PARP15: variants seen among roughly 807,000 people sequenced by gnomAD.
The protein encoded by PARP15 is protein mono-ADP-ribosyltransferase PARP15.
A neutral mutation model predicts 62.1 loss-of-function variants in PARP15; 50 were observed. That is an observed-to-expected ratio of 0.81 (90% confidence interval 0.64 to 1.02). PARP15 has a LOEUF of 1.02. Among genes scored for constraint, PARP15 ranks in the 50% least tolerant of loss-of-function variants. The pLI is 0.00. For synonymous variants in PARP15, 309 were observed against 293.1 expected (o/e 1.05, Z -0.55); for missense variants, 820 against 826.5 (o/e 0.99, Z 0.10).
intron 1 of PARP15, among the ~76,000 whole-genome samples, chr3:122,587,900 C>T (rs748984116): frequency 1.3e-5 from 2 of 152,126 alleles, no homozygotes; most frequent in African/African-American, 2.4e-5. Context: ...GTCTGTATAT[C>T]CTCCTTGGTG....
rs767808104 is a variant in PARP15, at chr3:122,615,805, G to T, written c.798G>T (p.Trp266Cys). The T allele has an allele frequency of 1.9e-6, 3 of 1,613,504 alleles. No homozygotes were observed. In the Admixed American group the frequency reaches 5.0e-5, roughly 27 times the overall value. ...CATTTTTAGATGAATTCACTAACTG[G>T]TCAAGAATAAATCCCAACAAGGCCA... ...CQAFLDEFTN[W>C]SRINPNKARI... The change falls in exon 5 of 12, where the codon TGG becomes TGT. Residue 266 changes from tryptophan to cysteine, a missense_variant. Around this residue, in one of 3 missense-constraint regions of PARP15, gnomAD observed 731 missense variants for 727.7 expected, o/e 1.00. Transcript: ENST00000464300.
chr3:122,596,099 C>T (rs6798402), intron 1 of PARP15, among the ~76,000 whole-genome samples: 10,531 of 151,908 alleles, frequency 0.069, 1,192 homozygotes, highest in African/African-American at 0.24. Flanking sequence ...TGGCTCACTC[C>T]TGTAATCCCA....
At chr3:122,589,314 A>C (rs765752190) in intron 1 of PARP15, among the ~76,000 whole-genome samples, 63 of 152,098 alleles carry the variant, frequency 4.1e-4, no homozygotes, top group Non-Finnish European at 8.7e-4. Context: ...GAGAGCCCCA[A>C]CTCCAAATAC....
At chr3:122,602,540 C>T (rs571629187) in intron 1 of PARP15, among the ~76,000 whole-genome samples, 10 of 152,316 alleles carry the variant, frequency 6.6e-5, no homozygotes, top group Admixed American at 2.6e-4. Context: ...GCATATGAAT[C>T]CCAAACTCAG....
intron 1 of PARP15, among the ~76,000 whole-genome samples, chr3:122,590,429 C>T (rs540833783): frequency 4.0e-5 from 6 of 151,864 alleles, no homozygotes; most frequent in African/African-American, 4.8e-5. Flanking sequence ...CCCAGCACCA[C>T]GCCCAACTAA....
chr3:122,600,355 C>G (rs1456992289), intron 1 of PARP15, among the ~76,000 whole-genome samples: 2 of 151,974 alleles, frequency 1.3e-5, no homozygotes, highest in East Asian at 3.9e-4. Context: ...CCATGTTGAC[C>G]TACCCATTCC....
rs76586906 is a variant in PARP15 at position 122,612,960 on chromosome 3, C to G, written c.544-81C>G. 2,793 of 1,231,020 alleles carry G rather than the reference C, an allele frequency of 2.3e-3. 51 individuals carry two copies. In the African/African-American group the frequency reaches 0.034, roughly 15 times the overall value. 76.3% of individuals were successfully genotyped at this position (1,231,020 alleles called of 1,614,324 possible). A position where few individuals can be genotyped will look rare whatever the true frequency, so the allele number is the denominator to read the frequency against. On this transcript the variant is annotated intron_variant, in intron 3 of 11. Transcript: ENST00000464300. The stretch of plus-strand genomic sequence containing the variant: ...CCAACAATAGCAGAGAGGTCCTTGT[C>G]AGAGTTGCTGGGACCACAACTCTTT...
At chr3:122,629,179 T>C (rs1936913080) in intron 9 of PARP15, among the ~76,000 whole-genome samples, 1 of 152,168 alleles carries the variant, frequency 6.6e-6, no homozygotes, top group African/African-American at 2.4e-5. Flanking sequence ...TTTTGTTTTT[T>C]TGAGACTGAA....
At position 122,610,619 on chromosome 3, in the gene PARP15, A is replaced by G. The variant is rs1935493943; in HGVS notation, c.432A>G (p.Thr144=). 1 of 1,551,806 alleles carries G rather than the reference A, an allele frequency of 6.4e-7. No individual in the cohort carries two copies. The highest frequency in any genetic ancestry group is 8.7e-7 in the Non-Finnish European group (1 of 1,147,016). ...QKELDDRRRE[T]EEKVGNIFMT... ...AGTTAGATGACAGAAGGCGGGAAAC[A>G]GAGGAAAAAGTAGGTAACATATTCA... The change falls in exon 3 of 12, where the codon ACA becomes ACG. Residue 144 remains threonine (T), a synonymous_variant. Coordinates refer to ENST00000464300, the MANE Select transcript of PARP15 (RefSeq NM_001113523.3).
chr3:122,600,275 T>G (rs1218686242), intron 1 of PARP15, among the ~76,000 whole-genome samples: 1 of 151,786 alleles, frequency 6.6e-6, no homozygotes, highest in Non-Finnish European at 1.5e-5. Context: ...GGCAAAAGAG[T>G]TCACTTAGAT....
chr3:122,595,738 G>A (rs918706045), intron 1 of PARP15, among the ~76,000 whole-genome samples: 1 of 152,086 alleles, frequency 6.6e-6, no homozygotes, highest in Admixed American at 6.5e-5. Context: ...TTGCCACAGT[G>A]CCCAGGGTGG....
At position 122,626,850 on chromosome 3, in the gene PARP15, A is replaced by G; in HGVS notation, c.1255A>G (p.Thr419Ala). Residue 419 changes from threonine to alanine, a missense_variant, in exon 9 of 12, where the codon ACA (threonine) becomes GCA (alanine). Thr to Ala is a moderately conservative substitution (Grantham distance 58). Around this residue, in one of 3 missense-constraint regions of PARP15, gnomAD observed 731 missense variants for 727.7 expected, o/e 1.00. Coordinates refer to ENST00000464300, the MANE Select transcript of PARP15 (RefSeq NM_001113523.3). ...AGGAAATGCCGGAAAAAACCCTATCACAGTTGCTGATAACATAATCGATGC... is the reference window on the plus strand; with the variant it reads ...AGGAAATGCCGGAAAAAACCCTATCGCAGTTGCTGATAACATAATCGATGC... The part of the protein sequence containing the change: ...GTGNAGKNPI[T>A]VADNIIDAIV... The G allele has an allele frequency of 6.2e-7, 1 of 1,611,248 alleles. No individual in the cohort carries two copies. The highest frequency in any genetic ancestry group is 8.5e-7 in the Non-Finnish European group (1 of 1,179,318).
rs1937282838 is a variant in PARP15 at position 122,635,197 on chromosome 3, A to G, written c.1747+3A>G. ...TAGAAGTTGTGCTGGGAAAAATGGTAAGGAAGCAAGTAATTTGGCTGATCA... is the reference window on the plus strand; with the variant it reads ...TAGAAGTTGTGCTGGGAAAAATGGTGAGGAAGCAAGTAATTTGGCTGATCA... On this transcript the variant is annotated splice_donor_region_variant and intron_variant, in intron 11 of 11. Coordinates refer to ENST00000464300, the MANE Select transcript of PARP15 (RefSeq NM_001113523.3). 8 of 1,612,176 alleles carry G rather than the reference A, an allele frequency of 5.0e-6. No homozygotes were observed. The highest frequency in any genetic ancestry group is 6.8e-6 in the Non-Finnish European group (8 of 1,179,190).
At chr3:122,613,814 CTTTTTTTTTTT>C (rs747039553) in intron 4 of PARP15, among the ~76,000 whole-genome samples, 3 of 90,738 alleles carry the variant, frequency 3.3e-5, no homozygotes, top group Admixed American at 3.0e-4. Context: ...TGAATCTCAG[CTTTTTTTTTTT>C]TTTTTTTTTT....
intron 2 of PARP15, among the ~76,000 whole-genome samples, chr3:122,608,213 C>CTTTTTTTTTTT (rs71136576): frequency 8.4e-4 from 96 of 113,892 alleles, no homozygotes; most frequent in Middle Eastern, 5.9e-3. Flanking sequence ...TTTCTCTTTT[C>CTTTTTTTTTTT]TTTTTTTTTT....
Position 122,591,740 on chromosome 3 carries a change from TGGTGACAGAGCGAGA to T in PARP15, c.186+13888_186+13902del, listed in dbSNP as rs1933934987. On this transcript the variant is annotated intron_variant, in intron 1 of 11. Coordinates refer to ENST00000464300, the MANE Select transcript of PARP15 (RefSeq NM_001113523.3). The stretch of plus-strand genomic sequence containing the variant: ...GAGATTGCTCCACTGCACTCCAGCC[TGGTGACAGAGCGAGA>T]CTCTGTCTCAAAAAAAAAAAAAAAA... 2.4e-5 allele frequency among the ~76,000 whole-genome samples: 3 copies of T among 123,046 alleles called. No homozygotes were observed. The South Asian group carries it at 7.5e-4, about 31-fold the overall frequency. The allele number at this position is 123,046 out of a possible 152,430, so 80.7% of individuals were successfully genotyped here. A position where few individuals can be genotyped will look rare whatever the true frequency, so the allele number is the denominator to read the frequency against.
intron 8 of PARP15, among the ~76,000 whole-genome samples, chr3:122,623,755 G>A (rs1289727880): frequency 6.6e-6 from 1 of 152,166 alleles, no homozygotes; most frequent in African/African-American, 2.4e-5. Flanking sequence ...ATTAAATTTT[G>A]TTGAATGGAG....
At position 122,583,114 on chromosome 3, in the gene PARP15, C is replaced by CTTTTT. The variant is rs67942585; in HGVS notation, c.186+5280_186+5284dup. Among the ~76,000 whole-genome samples the CTTTTT allele has an allele frequency of 5.9e-3, 493 of 83,396 alleles. 9 individuals are homozygous for CTTTTT. Among genetic ancestry groups the CTTTTT allele is most frequent in the Middle Eastern group, 0.011 (1 of 94 alleles). 54.7% of individuals were successfully genotyped at this position (83,396 alleles called of 152,430 possible). On this transcript the variant is annotated intron_variant, in intron 1 of 11. Coordinates refer to ENST00000464300, the MANE Select transcript of PARP15 (RefSeq NM_001113523.3). The stretch of plus-strand genomic sequence containing the variant: ...TGTTTACTAATTCTATCATCTGTAT[C>CTTTTT]TTTTTTTTTTTTTTTTTTTTTTTGA...
intron 1 of PARP15, among the ~76,000 whole-genome samples, chr3:122,592,986 T>C (rs1413793438): frequency 6.6e-6 from 1 of 152,204 alleles, no homozygotes; most frequent in Non-Finnish European, 1.5e-5. Context: ...TTTTTGTAAA[T>C]CATTTTATCT....
Sources: allele counts gnomAD v4.1 joint callset (sites outside exome capture counted in the v4.1 genomes callset), GRCh38; gene constraint gnomAD v4.1.1; regional missense constraint gnomAD v4.1.1; transcripts MANE v1.5; gene names NCBI Gene and HGNC (gene_info 2026-07-23, HGNC 2026-07-21).